TMC1: variants seen among roughly 807,000 people sequenced by gnomAD.
TMC1 encodes transmembrane channel like 1, also known as transmembrane channel-like protein 1.
TMC1 carries 84 observed loss-of-function variants against 105.8 expected under a neutral mutation model. The observed-to-expected ratio is 0.79, with a 90% CI of 0.67 to 0.95. The LOEUF (loss-of-function observed/expected upper bound fraction) is 0.95. Among genes scored for constraint, TMC1 ranks in the 40% least tolerant of loss-of-function variants. The pLI, the probability that TMC1 is intolerant of heterozygous loss-of-function variation, is 0.00. For synonymous variants in TMC1, 315 were observed against 311.5 expected, an observed-to-expected ratio of 1.01 and a Z score of -0.12; for missense variants, 817 against 914.1, an observed-to-expected ratio of 0.89 and a Z score of 1.37.
At chr9:72,773,764 A>T (rs902118975) in intron 13 of TMC1, among the ~76,000 whole-genome samples, 3 of 152,166 alleles carry the variant, frequency 2.0e-5, no homozygotes, top group Non-Finnish European at 4.4e-5. Context: ...GGAGAAGAAT[A>T]GTTTCTCATG....
intron 20 of TMC1, among the ~76,000 whole-genome samples, chr9:72,822,335 T>A (rs1828888028): frequency 6.6e-6 from 1 of 152,190 alleles, no homozygotes; most frequent in Non-Finnish European, 1.5e-5. Flanking sequence ...GTTATTTAAT[T>A]AAAGTCAAAA....
At chr9:72,541,688 C>CAA (rs34643140) in intron 1 of TMC1, among the ~76,000 whole-genome samples, 1 of 137,690 alleles carries the variant, frequency 7.3e-6, no homozygotes, top group Admixed American at 7.3e-5. Context: ...AACTCCATCT[C>CAA]AAAAAAAAAA....
At chr9:72,579,497 A>C (rs1338682144) in intron 2 of TMC1, among the ~76,000 whole-genome samples, 2 of 152,118 alleles carry the variant, frequency 1.3e-5, no homozygotes, top group Non-Finnish European at 2.9e-5. Flanking sequence ...GTTGATTCTG[A>C]TGCCAGTCCA....
intron 1 of TMC1, among the ~76,000 whole-genome samples, chr9:72,557,166 C>G (rs1823956710): frequency 6.6e-6 from 1 of 152,076 alleles, no homozygotes; most frequent in Non-Finnish European, 1.5e-5. Flanking sequence ...AGGCCAGTAG[C>G]TTGAGACCAG....
intron 3 of TMC1, among the ~76,000 whole-genome samples, chr9:72,620,467 T>C (rs1825229130): frequency 6.6e-6 from 1 of 152,012 alleles, no homozygotes; most frequent in South Asian, 2.1e-4. Context: ...TCCAGGCTGA[T>C]CTTGAATGCC....
intron 5 of TMC1, among the ~76,000 whole-genome samples, chr9:72,664,662 A>T (rs906353864): frequency 6.6e-6 from 1 of 152,172 alleles, no homozygotes; most frequent in African/African-American, 2.4e-5. Flanking sequence ...GCTGCAGGAC[A>T]GCCAAACTCC....
chr9:72,533,634 A>T (rs1823532403), intron 1 of TMC1, among the ~76,000 whole-genome samples: 1 of 152,172 alleles, frequency 6.6e-6, no homozygotes, highest in Non-Finnish European at 1.5e-5. Context: ...GCTTATGAAA[A>T]CAAAGATAAT....
intron 1 of TMC1, among the ~76,000 whole-genome samples, chr9:72,535,653 T>G (rs1823570489): frequency 6.6e-6 from 1 of 152,182 alleles, no homozygotes; most frequent in Non-Finnish European, 1.5e-5. Flanking sequence ...AAAGGAAGAC[T>G]GAGACTAGAT....
chr9:72,814,843 T>C (rs1204415228), intron 18 of TMC1, among the ~76,000 whole-genome samples: 5 of 152,076 alleles, frequency 3.3e-5, no homozygotes, highest in East Asian at 1.9e-4. Context: ...TTTTTACAAA[T>C]ATATTTTTGA....
chr9:72,684,941 C>T (rs1164905858), intron 5 of TMC1, among the ~76,000 whole-genome samples: 1 of 152,050 alleles, frequency 6.6e-6, no homozygotes, highest in Non-Finnish European at 1.5e-5. Flanking sequence ...TAAAAACATC[C>T]AATTTGTATG....
intron 13 of TMC1, among the ~76,000 whole-genome samples, chr9:72,774,153 G>T (rs975887754): frequency 2.6e-5 from 4 of 152,154 alleles, no homozygotes; most frequent in Non-Finnish European, 5.9e-5. Context: ...AGGCAGTCAT[G>T]TATGGTTATG....
intron 12 of TMC1, among the ~76,000 whole-genome samples, chr9:72,757,530 G>A (rs542501208): frequency 9.2e-5 from 14 of 152,202 alleles, no homozygotes; most frequent in African/African-American, 2.6e-4. Flanking sequence ...GCATATTTCC[G>A]TATACATAAT....
chr9:72,743,448 TCC>T (rs1320099476), intron 10 of TMC1, among the ~76,000 whole-genome samples: 1 of 148,790 alleles, frequency 6.7e-6, no homozygotes, highest in African/African-American at 2.5e-5. Context: ...AAGCCTGTAG[TCC>T]CAGCTACTCA....
At chr9:72,804,642 T>C (rs912851056) in intron 17 of TMC1, among the ~76,000 whole-genome samples, 1 of 152,246 alleles carries the variant, frequency 6.6e-6, no homozygotes, top group Non-Finnish European at 1.5e-5. Context: ...TCATAGGCAT[T>C]TCTAAAAGTG....
intron 10 of TMC1, among the ~76,000 whole-genome samples, chr9:72,743,712 TAGGAAGGAAGGAAGGA>T (rs144187332): frequency 0.15 from 21,972 of 151,414 alleles, 1,941 homozygotes; most frequent in African/African-American, 0.25. Context: ...AGAATATTCA[TAGGAAGGAAGGAAGGA>T]AGGAAGGAAG....
chr9:72,690,416 T>G (rs1415267741), intron 6 of TMC1, among the ~76,000 whole-genome samples: 1 of 152,158 alleles, frequency 6.6e-6, no homozygotes, highest in Non-Finnish European at 1.5e-5. Context: ...ATATTTACCT[T>G]TACCAGACAG....
At chr9:72,558,767 C>T (rs574430754) in intron 1 of TMC1, among the ~76,000 whole-genome samples, 3 of 152,150 alleles carry the variant, frequency 2.0e-5, no homozygotes, top group Non-Finnish European at 4.4e-5. Context: ...ATTGCAGAGT[C>T]GGATGCAGCA....
chr9:72,792,279 G>C lies in TMC1; in HGVS notation c.1493G>C (p.Ser498Thr). Residue 498 changes from serine (S) to threonine (T), a missense_variant, in exon 17 of 24, where the codon AGC (serine) becomes ACC (threonine). Ser to Thr is a moderately conservative substitution (Grantham distance 58, BLOSUM62 1). Transcript: ENST00000297784. Reference sequence around the variant, plus strand: ...TACAATGCATCATTCTCTGAAAATAGCACTGGACCACCCTTTTTTGTTCAC... The same window carrying C: ...TACAATGCATCATTCTCTGAAAATACCACTGGACCACCCTTTTTTGTTCAC... ...KAYNASFSEN[S>T]TGPPFFVHPA... The C allele has an allele frequency of 6.2e-7, 1 of 1,614,140 alleles. No homozygotes were observed. Among genetic ancestry groups the C allele is most frequent in the Non-Finnish European group, 8.5e-7 (1 of 1,180,008 alleles).
chr9:72,725,325 GTATATATATATATA>G (rs57562145), intron 8 of TMC1, among the ~76,000 whole-genome samples: 3,818 of 77,712 alleles, frequency 0.049, 145 homozygotes, highest in Middle Eastern at 0.19. Context: ...ATGTGTGTAT[GTATATATATATATA>G]TATATATATA....
Sources: allele counts gnomAD v4.1 joint callset (sites outside exome capture counted in the v4.1 genomes callset), GRCh38; gene constraint gnomAD v4.1.1; transcripts MANE v1.5; gene names NCBI Gene and HGNC (gene_info 2026-07-23, HGNC 2026-07-21).